The following NRP1 variants were observed in gnomAD, a reference collection of about 807,000 sequenced individuals.
NRP1 encodes the protein neuropilin-1.
NRP1 carries 35 observed loss-of-function variants against 106.7 expected under a neutral mutation model. The ratio of observed to expected loss-of-function variants is 0.33; its 90% CI spans 0.25 to 0.43. The LOEUF (loss-of-function observed/expected upper bound fraction) is 0.43. NRP1 is among the 20% of genes least tolerant of loss of function. The pLI is 1.00. For synonymous variants in NRP1, 437 were observed against 417.9 expected, an observed-to-expected ratio of 1.05 and a Z score of -0.56; for missense variants, 1,024 against 1,170.4, an observed-to-expected ratio of 0.87 and a Z score of 1.83.
intron 2 of NRP1, among the ~76,000 whole-genome samples, chr10:33,290,700 G>A (rs1466835762): frequency 2.6e-5 from 4 of 152,064 alleles, no homozygotes; most frequent in Admixed American, 1.3e-4. Context: ...GTTTGTGCAC[G>A]CTTCAATTAC....
intron 6 of NRP1, among the ~76,000 whole-genome samples, chr10:33,250,559 G>A (rs2269084): frequency 6.6e-6 from 1 of 151,972 alleles, no homozygotes; most frequent in Non-Finnish European, 1.5e-5. Flanking sequence ...TCATAAAATA[G>A]GCTTGAAAGT....
At chr10:33,303,570 T>A (rs1267745563) in intron 2 of NRP1, among the ~76,000 whole-genome samples, 1 of 152,234 alleles carries the variant, frequency 6.6e-6, no homozygotes, top group Non-Finnish European at 1.5e-5. Flanking sequence ...ACCTGGGCCT[T>A]ACTTCATTGT....
At chr10:33,278,320 C>T (rs1398958025) in intron 2 of NRP1, among the ~76,000 whole-genome samples, 1 of 152,156 alleles carries the variant, frequency 6.6e-6, no homozygotes, top group African/African-American at 2.4e-5. Context: ...TTGCTGTCTG[C>T]ATAGCTCCAA....
chr10:33,191,016 AT>A (rs575051519), intron 13 of NRP1, among the ~76,000 whole-genome samples: 2 of 129,148 alleles, frequency 1.5e-5, no homozygotes, highest in South Asian at 2.6e-4. Flanking sequence ...TGCCTGGCTG[AT>A]TTTAAAAAAA....
intron 9 of NRP1, among the ~76,000 whole-genome samples, chr10:33,208,056 G>T (rs1837952287): frequency 6.6e-6 from 1 of 152,134 alleles, no homozygotes; most frequent in Non-Finnish European, 1.5e-5. Context: ...CTCCTGAGTA[G>T]CTTGGACTAC....
intron 3 of NRP1, among the ~76,000 whole-genome samples, chr10:33,269,073 T>G (rs769303761): frequency 1.3e-5 from 2 of 152,206 alleles, no homozygotes; most frequent in Admixed American, 6.5e-5. Context: ...TAGTTTTTTT[T>G]CTATCGAAAC....
At chr10:33,275,085 A>G (rs1258780173) in intron 2 of NRP1, among the ~76,000 whole-genome samples, 1 of 152,186 alleles carries the variant, frequency 6.6e-6, no homozygotes, top group African/African-American at 2.4e-5. Context: ...AGGAGGAGCC[A>G]ATTAGTCTGC....
intron 8 of NRP1, 104 bp from the exon 9 acceptor site, chr10:33,213,821 A>G (rs947406964): frequency 1.1e-6 from 1 of 872,510 alleles, no homozygotes; most frequent in East Asian, 2.6e-5. Context: ...TTTGTACCCA[A>G]TCATATACAA....
intron 7 of NRP1, among the ~76,000 whole-genome samples, chr10:33,222,688 T>G (rs1839358340): frequency 6.6e-6 from 1 of 152,036 alleles, no homozygotes; most frequent in Admixed American, 6.6e-5. Context: ...ACCCAGCTAA[T>G]TTTTGTATTT....
At chr10:33,320,640 GT>G (rs1847433017) in intron 2 of NRP1, among the ~76,000 whole-genome samples, 1 of 152,182 alleles carries the variant, frequency 6.6e-6, no homozygotes, top group African/African-American at 2.4e-5. Flanking sequence ...ATGACCTACT[GT>G]GGGTCACAGA....
intron 2 of NRP1, among the ~76,000 whole-genome samples, chr10:33,316,043 A>T (rs1470547257): frequency 6.6e-6 from 1 of 152,196 alleles, no homozygotes; most frequent in Non-Finnish European, 1.5e-5. Context: ...TACTTATTCT[A>T]GTTAAAAATG....
At chr10:33,203,372 A>T (rs1417985833) in intron 10 of NRP1, among the ~76,000 whole-genome samples, 1 of 152,168 alleles carries the variant, frequency 6.6e-6, no homozygotes, top group Non-Finnish European at 1.5e-5. Context: ...TTTCATTTTC[A>T]AGGTGTTAGA....
chr10:33,189,888 G>A (rs1157526603), intron 13 of NRP1, among the ~76,000 whole-genome samples: 1 of 152,220 alleles, frequency 6.6e-6, no homozygotes, highest in African/African-American at 2.4e-5. Flanking sequence ...CCGTTAACAA[G>A]TAGTTCCTGC....
intron 6 of NRP1, among the ~76,000 whole-genome samples, chr10:33,232,789 C>T (rs1269216727): frequency 2.6e-5 from 4 of 151,516 alleles, no homozygotes; most frequent in Non-Finnish European, 5.9e-5. Flanking sequence ...ATTGTAGGCC[C>T]CCGCTCTCAC....
intron 6 of NRP1, among the ~76,000 whole-genome samples, chr10:33,247,925 T>A (rs905243531): frequency 1.3e-5 from 2 of 152,200 alleles, no homozygotes. Flanking sequence ...AGTTTTCTCA[T>A]GTGAAGATGG....
chr10:33,323,652 A>T (rs996888762), intron 2 of NRP1, among the ~76,000 whole-genome samples: 3 of 152,176 alleles, frequency 2.0e-5, no homozygotes, highest in African/African-American at 7.2e-5. Context: ...TGACTCTTAC[A>T]ATCAGGATGG....
chr10:33,274,748 A>T (rs1843562291), intron 2 of NRP1, among the ~76,000 whole-genome samples: 2 of 152,118 alleles, frequency 1.3e-5, no homozygotes, highest in Non-Finnish European at 2.9e-5. Flanking sequence ...GGGGGATTTG[A>T]GGTGGTGGTG....
chr10:33,294,863 C>G (rs1026020579), intron 2 of NRP1, among the ~76,000 whole-genome samples: 7 of 152,072 alleles, frequency 4.6e-5, no homozygotes, highest in Non-Finnish European at 8.8e-5. Context: ...TGATTAACAA[C>G]AAACACATCA....
At chr10:33,210,849 T>G (rs1002060998) in intron 9 of NRP1, among the ~76,000 whole-genome samples, 4 of 152,230 alleles carry the variant, frequency 2.6e-5, no homozygotes, top group African/African-American at 4.8e-5. Flanking sequence ...TATAGCATGT[T>G]TTTAAAATCT....
Sources: allele counts gnomAD v4.1 joint callset (sites outside exome capture counted in the v4.1 genomes callset), GRCh38; gene constraint gnomAD v4.1.1; transcripts MANE v1.5; gene names NCBI Gene and HGNC (gene_info 2026-07-23, HGNC 2026-07-21).